The following RYR1 variants were observed in gnomAD, a reference collection of about 807,000 sequenced individuals.
RYR1 encodes ryanodine receptor 1.
A neutral mutation model predicts 583.5 loss-of-function variants in RYR1; 342 were observed. The observed-to-expected ratio is 0.59, with a 90% CI of 0.54 to 0.64. The LOEUF (loss-of-function observed/expected upper bound fraction) is 0.64. Ranked by LOEUF, RYR1 falls within the 30% of genes least tolerant of loss-of-function variation. The pLI, the probability that RYR1 is intolerant of heterozygous loss-of-function variation, is 0.00. For synonymous variants in RYR1, 2,791 were observed against 2,822.5 expected (o/e 0.99, Z 0.35); for missense variants, 6,032 against 6,917.2 (o/e 0.87, Z 4.54).
At chr19:38,564,113 T>TC (rs967021455) in intron 90 of RYR1, among the ~76,000 whole-genome samples, 2 of 152,244 alleles carry the variant, frequency 1.3e-5, no homozygotes, top group Non-Finnish European at 2.9e-5. Flanking sequence ...GCGCTGTGGC[T>TC]CCTGCCTGTA....
intron 29 of RYR1, among the ~76,000 whole-genome samples, chr19:38,476,625 G>A (rs569807833): frequency 5.3e-4 from 81 of 152,192 alleles, no homozygotes; most frequent in Non-Finnish European, 1.1e-3. Context: ...GAGCCACCGC[G>A]TTCGGCTGTA....
Position 38,496,977 on chromosome 19 carries a change from C to T in RYR1, c.6891+23C>T. The T allele has an allele frequency of 1.2e-6, 2 of 1,605,384 alleles. No homozygotes were observed. Among genetic ancestry groups the T allele is most frequent in the Non-Finnish European group, 8.5e-7 (1 of 1,172,874 alleles). ...AAGGTGTGGAGGGCAGGGCTGGGCC[C>T]CAGGCCTAAGGGAGGAAATCGGGCC... On this transcript the variant is annotated intron_variant, in intron 42 of 105. Transcript: ENST00000359596. The surrounding 1 kb of genome is among the most constrained non-coding windows in gnomAD (Gnocchi z 4.8).
chr19:38,525,273 G>T, intron 70 of RYR1, 59 bp from the exon 71 acceptor site: 1 of 1,609,070 alleles, frequency 6.2e-7, no homozygotes, highest in Non-Finnish European at 8.5e-7. Flanking sequence ...ATGGCCGCGG[G>T]TTGGGGCTGA....
intron 66 of RYR1, among the ~76,000 whole-genome samples, chr19:38,518,918 ACT>A (rs1412460793): frequency 2.7e-5 from 4 of 148,794 alleles, no homozygotes; most frequent in Non-Finnish European, 6.0e-5. Flanking sequence ...CAAGAGTGAA[ACT>A]CTGTCTCAAA....
intron 66 of RYR1, 37 bp from the exon 67 acceptor site, chr19:38,519,171 TCAGAGG>T (rs776052312): frequency 3.1e-5 from 50 of 1,613,578 alleles, no homozygotes; most frequent in Non-Finnish European, 3.8e-5. Flanking sequence ...GGGGCCTGTG[TCAGAGG>T]CCGGAGGTGG....
In RYR1 at chr19:38,517,604, C is replaced by T. The variant is rs933803065; in HGVS notation, c.9931C>T (p.His3311Tyr). ...PPPCTAVTSD[H>Y]LNSLLGNILR... ...ACCCTGCACAGCTGTCACCTCTGAC[C>T]ACCTCAACTCCCTGCTGGGGAATAT... The change falls in exon 66 of 106, where the codon CAC (histidine) becomes TAC (tyrosine). Residue 3311 changes from histidine to tyrosine, a missense_variant. This residue lies in a region of RYR1 where 1,493 missense variants were observed against 1,715.5 expected (regional missense o/e 0.87). Transcript: ENST00000359596. 6.2e-7 allele frequency: 1 copy of T among 1,614,082 alleles called. No homozygotes were observed. The highest frequency in any genetic ancestry group is 8.5e-7 in the Non-Finnish European group (1 of 1,180,046).
At chr19:38,449,326 G>GGCA (rs1966957778) in intron 11 of RYR1, among the ~76,000 whole-genome samples, 1 of 151,676 alleles carries the variant, frequency 6.6e-6, no homozygotes, top group African/African-American at 2.4e-5. Context: ...CAGGCGTGGT[G>GGCA]GCAGCTGCCT....
chr19:38,452,866 C>T lies in RYR1; in HGVS notation c.1292C>T (p.Ala431Val). Residue 431 changes from alanine to valine, a missense_variant, in exon 13 of 106, where the codon GCT (alanine) becomes GTT (valine). Transcript: ENST00000359596. The stretch of plus-strand genomic sequence containing the variant: ...AAGCCACGGGGCTCGGGGCCACCCG[C>T]TGGCACGGCGCTGCCCATCGAGGGC... Reference protein sequence around the residue: ...SGKPRGSGPPAGTALPIEGVI... With the variant: ...SGKPRGSGPPVGTALPIEGVI... The T allele has an allele frequency of 2.5e-6, 4 of 1,609,586 alleles. No homozygotes were observed. The highest frequency in any genetic ancestry group is 3.4e-6 in the Non-Finnish European group (4 of 1,177,982).
chr19:38,523,982 C>T, intron 70 of RYR1, 53 bp downstream of exon 70: 4 of 1,608,772 alleles, frequency 2.5e-6, no homozygotes, highest in Non-Finnish European at 3.4e-6. Context: ...TGCCCTCTTC[C>T]CCCAGCCTCT....
At chr19:38,563,152 C>T (rs1973231095) in intron 90 of RYR1, among the ~76,000 whole-genome samples, 2 of 152,190 alleles carry the variant, frequency 1.3e-5, no homozygotes, top group Admixed American at 1.3e-4. Context: ...CTCCAAACAC[C>T]CGCTTCCTTC....
At chr19:38,437,526 A>G (rs914568617) in intron 1 of RYR1, among the ~76,000 whole-genome samples, 2 of 152,074 alleles carry the variant, frequency 1.3e-5, no homozygotes, top group African/African-American at 2.4e-5. Flanking sequence ...ACAAGATTAT[A>G]TACAATAGCC....
intron 47 of RYR1, among the ~76,000 whole-genome samples, chr19:38,502,170 A>C (rs1235349833): frequency 2.0e-5 from 3 of 152,224 alleles, no homozygotes; most frequent in East Asian, 3.9e-4. Flanking sequence ...ATGAAAAAGA[A>C]TGTATTACAG....
chr19:38,552,141 CG>C (rs1329697925), intron 89 of RYR1, among the ~76,000 whole-genome samples: 1 of 151,586 alleles, frequency 6.6e-6, no homozygotes, highest in Non-Finnish European at 1.5e-5. Flanking sequence ...ATTTTAGAGA[CG>C]GGGTTTGACA....
rs189294516 is a variant in RYR1 at position 38,521,768 on chromosome 19, G to A, written c.10260-1260G>A. ...CTCGCCCAGGCTGGGGTGCAGTGGTGCGATCTCTGCTCACTGCAAGCTCCA... is the reference window on the plus strand; with the variant it reads ...CTCGCCCAGGCTGGGGTGCAGTGGTACGATCTCTGCTCACTGCAAGCTCCA... On this transcript the variant is annotated intron_variant, in intron 67 of 105. Transcript: ENST00000359596. Among the ~76,000 whole-genome samples the A allele has an allele frequency of 9.9e-5, 14 of 140,882 alleles. No homozygotes were observed. In the East Asian group the frequency reaches 2.9e-3, roughly 30 times the overall value. 92.4% of individuals were successfully genotyped at this position (140,882 alleles called of 152,430 possible).
intron 58 of RYR1, among the ~76,000 whole-genome samples, chr19:38,509,955 G>A (rs1970653955): frequency 6.6e-6 from 1 of 152,032 alleles, no homozygotes; most frequent in African/African-American, 2.4e-5. Context: ...GGTGAGGAAG[G>A]GCATGTTCCA....
At chr19:38,515,183 T>TG (rs1051109265) in intron 64 of RYR1, 76 bp downstream of exon 64, 34 of 1,070,282 alleles carry the variant, frequency 3.2e-5, no homozygotes. Flanking sequence ...GAAGATGGGG[T>TG]GGGTGAAAAG....
intron 27 of RYR1, among the ~76,000 whole-genome samples, chr19:38,471,983 G>A (rs1316734827): frequency 6.6e-6 from 1 of 151,828 alleles, no homozygotes; most frequent in Non-Finnish European, 1.5e-5. Flanking sequence ...CTGGCAAGGA[G>A]TACCTAGGTT....
At position 38,463,926 on chromosome 19, in the gene RYR1, A is replaced by AG. The variant is rs1399268562; in HGVS notation, c.2786+78dup. ...GGAGGGAGGCATGGAGAGACAGGGC[A>AG]GGAGGTAGAGACTGAGAGAGAGAAG... is the stretch of plus-strand genomic sequence containing the variant. On this transcript the variant is annotated intron_variant, in intron 22 of 105. Transcript: ENST00000359596. 72 of 1,083,866 alleles carry AG rather than the reference A, an allele frequency of 6.6e-5. No individual in the cohort carries two copies. The South Asian group carries it at 8.8e-4, about 13-fold the overall frequency. The allele number at this position is 1,083,866 out of a possible 1,614,324, so 67.1% of individuals were successfully genotyped here.
intron 24 of RYR1, among the ~76,000 whole-genome samples, chr19:38,466,828 C>G (rs763487631): frequency 8.5e-5 from 13 of 152,110 alleles, no homozygotes; most frequent in Non-Finnish European, 1.6e-4. Flanking sequence ...TCACATCGAG[C>G]AGACTGACCA....
Sources: gnomAD v4.1 joint callset for allele counts (sites outside exome capture counted in the v4.1 genomes callset) on GRCh38, gnomAD v4.1.1 for gene constraint, gnomAD v4.1.1 regional missense constraint, Gnocchi (gnomAD v3.1) non-coding constraint, MANE v1.5 for transcripts, NCBI Gene and HGNC (gene_info 2026-07-23, HGNC 2026-07-21) for gene names.